GPHN: variants seen among roughly 807,000 people sequenced by gnomAD.
The protein encoded by GPHN is gephyrin.
A neutral mutation model predicts 95.5 loss-of-function variants in GPHN; 17 were observed. The observed-to-expected ratio is 0.18, with a 90% CI of 0.12 to 0.27. The LOEUF is 0.27. Among genes scored for constraint, GPHN ranks in the 10% least tolerant of loss-of-function variants. The pLI is 1.00. For missense variants in GPHN, 660 were observed against 978.1 expected, an observed-to-expected ratio of 0.67 and a Z score of 4.34; for synonymous variants, 320 against 322.5, an observed-to-expected ratio of 0.99 and a Z score of 0.08.
intron 1 of GPHN, among the ~76,000 whole-genome samples, chr14:66,582,691 A>G (rs1170212261): frequency 6.6e-6 from 1 of 152,110 alleles, no homozygotes; most frequent in African/African-American, 2.4e-5. Flanking sequence ...AGCTTCATCC[A>G]TGTCCCTACA....
chr14:67,639,600 G>C, the GPHN span, among the ~76,000 whole-genome samples: 4 of 152,062 alleles, frequency 2.6e-5, no homozygotes, highest in African/African-American at 9.7e-5. Context: ...GGTGAAAGTA[G>C]AAACATCCAG....
intron 8 of GPHN, among the ~76,000 whole-genome samples, chr14:66,961,945 T>TTTAC: frequency 1.3e-5 from 1 of 79,092 alleles, no homozygotes; most frequent in South Asian, 4.7e-4. Context: ...TATATATATA[T>TTTAC]ATACACATAT....
chr14:67,340,164 T>A, the GPHN span: 9 of 331,312 alleles, frequency 2.7e-5, no homozygotes, highest in African/African-American at 1.9e-4. Flanking sequence ...CTACTGCATT[T>A]GACTATCTTA....
the GPHN span, among the ~76,000 whole-genome samples, chr14:67,715,924 A>G: frequency 6.6e-6 from 1 of 152,214 alleles, no homozygotes; most frequent in Non-Finnish European, 1.5e-5. Context: ...GGCCGGGGGC[A>G]GTGGCTTACG....
intron 2 of GPHN, among the ~76,000 whole-genome samples, chr14:66,685,434 A>G (rs2067282206): frequency 6.6e-6 from 1 of 152,120 alleles, no homozygotes; most frequent in African/African-American, 2.4e-5. Context: ...CTTTTTAATG[A>G]TTGCCATTCT....
intron 1 of GPHN, among the ~76,000 whole-genome samples, chr14:66,665,212 A>C (rs1340006730): frequency 6.6e-6 from 1 of 152,186 alleles, no homozygotes; most frequent in Non-Finnish European, 1.5e-5. Flanking sequence ...ATCCTTGATG[A>C]ATACTGATGC....
At chr14:67,057,513 G>A (rs931640744) in intron 10 of GPHN, among the ~76,000 whole-genome samples, 7 of 151,896 alleles carry the variant, frequency 4.6e-5, no homozygotes, top group Non-Finnish European at 7.4e-5. Flanking sequence ...GGATTGATCC[G>A]TGCAGCAAAC....
At chr14:67,090,434 T>G (rs1595092618) in intron 12 of GPHN, among the ~76,000 whole-genome samples, 1 of 152,126 alleles carries the variant, frequency 6.6e-6, no homozygotes, top group Non-Finnish European at 1.5e-5. Flanking sequence ...TTTAGAAAAA[T>G]TATTTGAAAC....
intron 11 of GPHN, among the ~76,000 whole-genome samples, chr14:67,077,585 T>C (rs1171110039): frequency 6.6e-6 from 1 of 152,154 alleles, no homozygotes; most frequent in African/African-American, 2.4e-5. Flanking sequence ...ATTTTAGACA[T>C]AGTTCCCTGT....
chr14:66,772,684 C>T (rs1320964733), intron 2 of GPHN, among the ~76,000 whole-genome samples: 1 of 152,206 alleles, frequency 6.6e-6, no homozygotes, highest in Non-Finnish European at 1.5e-5. Context: ...TGACCAATTT[C>T]ATATTCTTCT....
chr14:66,517,127 A>C (rs1455476511), intron 1 of GPHN, among the ~76,000 whole-genome samples: 1 of 86,982 alleles, frequency 1.1e-5, no homozygotes, highest in Non-Finnish European at 2.0e-5. Context: ...ACTCCATCTC[A>C]AAAAAAAAAA....
the GPHN span, chr14:67,579,577 C>A: frequency 2.5e-6 from 2 of 790,820 alleles, no homozygotes; most frequent in Non-Finnish European, 4.0e-6. Context: ...TGGCCCTTTG[C>A]CTGTGAACAC....
At chr14:67,307,324 A>C in the GPHN span, among the ~76,000 whole-genome samples, 1 of 152,202 alleles carries the variant, frequency 6.6e-6, no homozygotes, top group Non-Finnish European at 1.5e-5. Flanking sequence ...ATATGTAGGG[A>C]GGGCATAATA....
intron 1 of GPHN, among the ~76,000 whole-genome samples, chr14:66,580,513 A>G (rs2061112275): frequency 6.6e-6 from 1 of 151,846 alleles, no homozygotes; most frequent in Non-Finnish European, 1.5e-5. Flanking sequence ...GAGACATTAC[A>G]TCTTATATCA....
At chr14:66,696,419 C>A (rs980530681) in intron 2 of GPHN, among the ~76,000 whole-genome samples, 1 of 152,132 alleles carries the variant, frequency 6.6e-6, no homozygotes, top group African/African-American at 2.4e-5. Flanking sequence ...AACTGAAAGT[C>A]CTAAGAAATA....
intron 5 of GPHN, among the ~76,000 whole-genome samples, chr14:66,880,969 G>A (rs1442778678): frequency 3.3e-5 from 5 of 151,914 alleles, no homozygotes; most frequent in African/African-American, 9.7e-5. Context: ...AAAATAAATA[G>A]CAGCTGTATA....
the GPHN span, chr14:67,727,068 A>T: frequency 1.9e-6 from 3 of 1,614,010 alleles, no homozygotes; most frequent in African/African-American, 4.0e-5. Flanking sequence ...GTGGCTCACC[A>T]CATTGGCAAG....
At chr14:67,098,695 G>A (rs972747111) in intron 12 of GPHN, among the ~76,000 whole-genome samples, 7 of 152,052 alleles carry the variant, frequency 4.6e-5, no homozygotes, top group East Asian at 3.9e-4. Context: ...GGTGGCATAC[G>A]CCTGTAATCC....
the GPHN span, among the ~76,000 whole-genome samples, chr14:67,204,155 G>A: frequency 6.6e-6 from 1 of 152,144 alleles, no homozygotes; most frequent in Non-Finnish European, 1.5e-5. Flanking sequence ...ATAAGAAAGA[G>A]GCTGGGCATG....
Sources: gnomAD v4.1 joint callset for allele counts (sites outside exome capture counted in the v4.1 genomes callset) on GRCh38, gnomAD v4.1.1 for gene constraint, MANE v1.5 for transcripts, NCBI Gene and HGNC (gene_info 2026-07-23, HGNC 2026-07-21) for gene names.